Variants in TTC21B observed in about 807,000 individuals in gnomAD.
The protein encoded by TTC21B is tetratricopeptide repeat domain 21B.
A neutral mutation model predicts 175.1 loss-of-function variants in TTC21B; 127 were observed. The ratio of observed to expected loss-of-function variants is 0.73; its 90% CI spans 0.63 to 0.84. The LOEUF is 0.84. Ranked by LOEUF, TTC21B falls within the 40% of genes least tolerant of loss-of-function variation. The pLI is 0.00. For synonymous variants in TTC21B, 524 were observed against 524.5 expected (o/e 1.00, Z 0.01); for missense variants, 1,561 against 1,558.3 (o/e 1.00, Z -0.03).
chr2:165,899,977 G>A, intron 20 of TTC21B, 97 bp from the exon 21 acceptor site: 1 of 385,214 alleles, frequency 2.6e-6, no homozygotes, highest in Non-Finnish European at 5.1e-6. Flanking sequence ...TTGACCAAAA[G>A]TCATTGCAAT....
intron 22 of TTC21B, among the ~76,000 whole-genome samples, chr2:165,893,793 G>A (rs1685272541): frequency 3.3e-5 from 5 of 151,908 alleles, no homozygotes; most frequent in Admixed American, 2.0e-4. Flanking sequence ...CTTACTAGAC[G>A]GACAAAGGCA....
At chr2:165,878,727 G>C (rs1043259852) in intron 27 of TTC21B, among the ~76,000 whole-genome samples, 3 of 150,026 alleles carry the variant, frequency 2.0e-5, no homozygotes, top group African/African-American at 7.4e-5. Flanking sequence ...CGTCAACCAG[G>C]CTGCAGTGCA....
At chr2:165,918,225 G>A (rs1238488581) in intron 13 of TTC21B, among the ~76,000 whole-genome samples, 2 of 152,136 alleles carry the variant, frequency 1.3e-5, no homozygotes, top group Non-Finnish European at 2.9e-5. Flanking sequence ...AGTAAAGGTG[G>A]GGCACCAGCA....
At chr2:165,920,540 A>G (rs962140527) in intron 12 of TTC21B, among the ~76,000 whole-genome samples, 1 of 152,192 alleles carries the variant, frequency 6.6e-6, no homozygotes, top group African/African-American at 2.4e-5. Context: ...AGAGTTAGGC[A>G]TAATAAATTT....
In TTC21B at chr2:165,875,267, T is replaced by A. The variant is rs572654023; in HGVS notation, c.3874-435A>T. On this transcript the variant is annotated intron_variant, in intron 28 of 28. Coordinates refer to ENST00000243344, the MANE Select transcript of TTC21B (RefSeq NM_024753.5). ...TCTACTGAGTCTAAGAGTGGGGAGA[T>A]GCTAGTTTTTTTTTTTAACTCCAAA... is the stretch of plus-strand genomic sequence containing the variant. 3.2e-5 allele frequency among the ~76,000 whole-genome samples: 3 copies of A among 95,176 alleles called. No individual in the cohort carries two copies. In the East Asian group the frequency reaches 8.1e-4, roughly 26 times the overall value. 62.4% of individuals were successfully genotyped at this position (95,176 alleles called of 152,430 possible).
chr2:165,953,544 G>A, intron 1 of TTC21B, 141 bp downstream of exon 1: 1 of 1,431,764 alleles, frequency 7.0e-7, no homozygotes, highest in Non-Finnish European at 9.5e-7. Context: ...GGCCCACCCC[G>A]CAACCCGAGC....
chr2:165,953,056 T>C (rs536585615), intron 1 of TTC21B, among the ~76,000 whole-genome samples: 4 of 152,328 alleles, frequency 2.6e-5, no homozygotes. Context: ...TAACCCTTCA[T>C]AAATATTTGC....
At chr2:165,931,709 G>A (rs1424233151) in intron 8 of TTC21B, 49 bp downstream of exon 8, 1 of 1,462,252 alleles carries the variant, frequency 6.8e-7, no homozygotes, top group East Asian at 2.3e-5. Context: ...CTTATTTTAT[G>A]TCCTCTACTA....
At chr2:165,899,993 G>C in intron 20 of TTC21B, 113 bp from the exon 21 acceptor site, 1 of 303,484 alleles carries the variant, frequency 3.3e-6, no homozygotes, top group South Asian at 2.9e-5. Flanking sequence ...GCAATAAAAT[G>C]CCAAGTATAA....
At chr2:165,900,620 C>T (rs1038875443) in intron 20 of TTC21B, among the ~76,000 whole-genome samples, 1 of 152,044 alleles carries the variant, frequency 6.6e-6, no homozygotes, top group Non-Finnish European at 1.5e-5. Flanking sequence ...TTGAGCCTAG[C>T]CATTTTTGCA....
At chr2:165,946,575 C>T (rs1299648682) in intron 3 of TTC21B, among the ~76,000 whole-genome samples, 2 of 152,136 alleles carry the variant, frequency 1.3e-5, no homozygotes, top group Non-Finnish European at 2.9e-5. Context: ...TGGTGGCTTA[C>T]ACCTGTGATC....
Position 165,914,676 on chromosome 2 carries a change from T to TGTGTGTGTGTGTGTGTGTGTGCGCGCGC in TTC21B, c.2138+524_2138+525insGCGCGCGCACACACACACACACACACAC, listed in dbSNP as rs1323278449. Among the ~76,000 whole-genome samples, 626 of 118,436 alleles carry TGTGTGTGTGTGTGTGTGTGTGCGCGCGC rather than the reference T, an allele frequency of 5.3e-3. 7 individuals carry two copies. Among genetic ancestry groups the TGTGTGTGTGTGTGTGTGTGTGCGCGCGC allele is most frequent in the African/African-American group, 0.024 (585 of 24,692 alleles). 77.7% of individuals were successfully genotyped at this position (118,436 alleles called of 152,430 possible). ...AGCAATCTGTGTGTGTGTGTGTGTG[T>TGTGTGTGTGTGTGTGTGTGTGCGCGCGC]GTGTGTGTGTGTGTGTGTGTGTTGT... On this transcript the variant is annotated intron_variant, in intron 15 of 28. Transcript: ENST00000243344.
intron 25 of TTC21B, 94 bp downstream of exon 25, chr2:165,888,185 T>C (rs1199370693): frequency 2.0e-6 from 2 of 1,015,410 alleles, no homozygotes; most frequent in Admixed American, 4.1e-5. Flanking sequence ...AGTAATTAAG[T>C]CAATCTTCAG....
intron 1 of TTC21B, among the ~76,000 whole-genome samples, chr2:165,953,175 T>C (rs1234405923): frequency 6.6e-6 from 1 of 152,230 alleles, no homozygotes. Context: ...TTTCTTAAGT[T>C]GACCGTCATT....
At chr2:165,906,189 C>T (rs1476024748) in intron 19 of TTC21B, among the ~76,000 whole-genome samples, 2 of 142,644 alleles carry the variant, frequency 1.4e-5, no homozygotes, top group African/African-American at 5.2e-5. Flanking sequence ...AAATTTACTG[C>T]TTCAAATGAA....
intron 6 of TTC21B, among the ~76,000 whole-genome samples, chr2:165,937,249 G>A (rs1027224103): frequency 1.3e-5 from 2 of 152,022 alleles, no homozygotes; most frequent in East Asian, 3.8e-4. Context: ...AACTATAAAG[G>A]CAGTAAAAAG....
chr2:165,927,150 ATATATATATATATCCTAACAGT>A (rs1686682842), intron 11 of TTC21B, among the ~76,000 whole-genome samples: 2 of 71,448 alleles, frequency 2.8e-5, no homozygotes, highest in African/African-American at 4.8e-5. Context: ...TAGTAGTTAT[ATATATATATATATCCTAACAGT>A]TATATATATA....
At chr2:165,892,232 T>C (rs1321118977) in intron 22 of TTC21B, among the ~76,000 whole-genome samples, 1 of 152,186 alleles carries the variant, frequency 6.6e-6, no homozygotes, top group Non-Finnish European at 1.5e-5. Flanking sequence ...ATTCTGAACA[T>C]GTTCTTAGGT....
chr2:165,886,092 C>A (rs1684989801), intron 25 of TTC21B, among the ~76,000 whole-genome samples: 1 of 152,046 alleles, frequency 6.6e-6, no homozygotes, highest in South Asian at 2.1e-4. Flanking sequence ...GTGAACATAC[C>A]CTATGTTTTT....
Sources: allele counts gnomAD v4.1 joint callset (sites outside exome capture counted in the v4.1 genomes callset), GRCh38; gene constraint gnomAD v4.1.1; transcripts MANE v1.5; gene names NCBI Gene and HGNC (gene_info 2026-07-23, HGNC 2026-07-21).